CBLB: variants seen among roughly 807,000 people sequenced by gnomAD.
The protein encoded by CBLB is E3 ubiquitin-protein ligase CBL-B.
In CBLB, 31 loss-of-function variants were observed where a neutral mutation model predicts 104.9. The observed-to-expected ratio is 0.30, with a 90% confidence interval of 0.22 to 0.40. The LOEUF (loss-of-function observed/expected upper bound fraction) is 0.40. Among genes scored for constraint, CBLB ranks in the 10% least tolerant of loss-of-function variants. The pLI, the probability that CBLB is intolerant of heterozygous loss-of-function variation, is 1.00. For synonymous variants in CBLB, 440 were observed against 422.6 expected, an observed-to-expected ratio of 1.04 and a Z score of -0.51; for missense variants, 1,062 against 1,214.6, an observed-to-expected ratio of 0.87 and a Z score of 1.87.
chr3:105,855,655 G>C (rs879851626), intron 2 of CBLB, among the ~76,000 whole-genome samples: 7 of 152,176 alleles, frequency 4.6e-5, no homozygotes, highest in Non-Finnish European at 1.0e-4. Context: ...ATTTGAATGT[G>C]TTTCATGACA....
chr3:105,742,671 AATG>A (rs1369872098), intron 6 of CBLB, among the ~76,000 whole-genome samples: 1 of 152,188 alleles, frequency 6.6e-6, no homozygotes, highest in East Asian at 1.9e-4. Flanking sequence ...TAAAAAAATT[AATG>A]ATAAAATTCC....
At chr3:105,838,215 C>T (rs1023702207) in intron 3 of CBLB, among the ~76,000 whole-genome samples, 1 of 143,808 alleles carries the variant, frequency 7.0e-6, no homozygotes, top group South Asian at 2.2e-4. Context: ...TCCAGAGTAG[C>T]TGGGACCACA....
intron 3 of CBLB, among the ~76,000 whole-genome samples, chr3:105,845,609 A>G (rs887140510): frequency 5.3e-5 from 8 of 152,150 alleles, no homozygotes; most frequent in Admixed American, 3.3e-4. Flanking sequence ...ATTACATTGT[A>G]TCTAGCTAGC....
intron 3 of CBLB, among the ~76,000 whole-genome samples, chr3:105,800,236 A>G (rs574392919): frequency 1.6e-4 from 25 of 152,194 alleles, no homozygotes; most frequent in Middle Eastern, 3.2e-3. Flanking sequence ...GCAGACCAGT[A>G]TCCCAGAGAA....
chr3:105,716,648 TA>T (rs967619590), intron 10 of CBLB, among the ~76,000 whole-genome samples: 6 of 152,166 alleles, frequency 3.9e-5, no homozygotes, highest in African/African-American at 1.4e-4. Flanking sequence ...GGCAGATTAG[TA>T]GACATAAAGA....
At chr3:105,708,748 G>A (rs1236348245) in intron 10 of CBLB, among the ~76,000 whole-genome samples, 2 of 151,846 alleles carry the variant, frequency 1.3e-5, no homozygotes, top group African/African-American at 4.8e-5. Context: ...GCATTTGACA[G>A]AACATTATGG....
At chr3:105,713,388 C>G (rs1406008430) in intron 10 of CBLB, among the ~76,000 whole-genome samples, 1 of 90,484 alleles carries the variant, frequency 1.1e-5, no homozygotes, top group African/African-American at 3.8e-5. Flanking sequence ...CACCACTGAT[C>G]ATTAAAAAAA....
In CBLB at chr3:105,867,587, T is replaced by C. The variant is rs2092497272; in HGVS notation, c.-10A>G. 1 of 1,614,106 alleles carries C rather than the reference T, an allele frequency of 6.2e-7. No homozygotes were observed. Among genetic ancestry groups the C allele is most frequent in the Non-Finnish European group, 8.5e-7 (1 of 1,179,932 alleles). ...TCATTGAGTTTGCCATCTGGAATTT[T>C]AGTTCTTTAAAAGGCAGATTTAAAA... On this transcript the variant is annotated 5_prime_UTR_variant, in exon 2 of 19. Coordinates refer to ENST00000394030, the MANE Select transcript of CBLB (RefSeq NM_170662.5).
intron 3 of CBLB, among the ~76,000 whole-genome samples, chr3:105,805,431 A>C (rs1384495803): frequency 6.6e-6 from 1 of 151,858 alleles, no homozygotes; most frequent in Non-Finnish European, 1.5e-5. Flanking sequence ...CAGCTTCCCA[A>C]ATAGTTGGGA....
At chr3:105,749,758 TC>T in intron 5 of CBLB, 1 of 321,822 alleles carries the variant, frequency 3.1e-6, no homozygotes, top group Non-Finnish European at 6.2e-6. Flanking sequence ...TGTAAAATTA[TC>T]AGAAACCTTT....
intron 9 of CBLB, among the ~76,000 whole-genome samples, chr3:105,725,850 C>CT (rs879389470): frequency 0.016 from 2,318 of 147,452 alleles, 58 homozygotes; most frequent in African/African-American, 0.049. Flanking sequence ...TTTATTTTAT[C>CT]TTTTTTTTTT....
intron 10 of CBLB, among the ~76,000 whole-genome samples, chr3:105,715,237 G>C (rs1223376513): frequency 6.6e-6 from 1 of 152,146 alleles, no homozygotes; most frequent in Non-Finnish European, 1.5e-5. Context: ...GCTCACATCA[G>C]ATCTAATTAT....
chr3:105,739,461 A>G (rs2075301370), intron 7 of CBLB, among the ~76,000 whole-genome samples: 1 of 152,150 alleles, frequency 6.6e-6, no homozygotes, highest in Admixed American at 6.5e-5. Context: ...GATCAAGTGC[A>G]CTGAGAATAC....
In CBLB at chr3:105,742,275, C is replaced by G. The variant is rs562018138; in HGVS notation, c.846-1644G>C. Among the ~76,000 whole-genome samples, 23 of 152,214 alleles carry G rather than the reference C, an allele frequency of 1.5e-4. No homozygotes were observed. The South Asian group carries it at 4.3e-3, about 29-fold the overall frequency. ...AAATATACTTTAGTCATTGATAGAC[C>G]AAGCACTATAAATGTAACTTGAAAG... On this transcript the variant is annotated intron_variant, in intron 6 of 18. Transcript: ENST00000394030.
At chr3:105,867,058 G>C (rs922764195) in intron 2 of CBLB, among the ~76,000 whole-genome samples, 13 of 152,064 alleles carry the variant, frequency 8.5e-5, no homozygotes, top group African/African-American at 3.1e-4. Context: ...ATAACCTGCT[G>C]GTACTCTTTT....
At chr3:105,751,373 TGAGA>T (rs112521814) in intron 5 of CBLB, 85 bp downstream of exon 5, 32 of 864,076 alleles carry the variant, frequency 3.7e-5, no homozygotes, top group East Asian at 1.6e-4. Context: ...TGTGTGTGTG[TGAGA>T]GAGAGACAGA....
chr3:105,810,379 A>G (rs1231582796), intron 3 of CBLB, among the ~76,000 whole-genome samples: 1 of 152,134 alleles, frequency 6.6e-6, no homozygotes, highest in South Asian at 2.1e-4. Context: ...GTGTGTGTGA[A>G]CCAGATTCAC....
intron 3 of CBLB, among the ~76,000 whole-genome samples, chr3:105,852,820 C>A (rs917904367): frequency 6.6e-6 from 1 of 152,022 alleles, no homozygotes; most frequent in Non-Finnish European, 1.5e-5. Context: ...TGGGTTCAAG[C>A]GATTCTCCTG....
intron 4 of CBLB, among the ~76,000 whole-genome samples, chr3:105,768,479 C>T (rs1410405868): frequency 6.6e-6 from 1 of 152,160 alleles, no homozygotes; most frequent in African/African-American, 2.4e-5. Flanking sequence ...CTCATACATT[C>T]AACTAATAAC....
Sources: gnomAD v4.1 joint callset for allele counts (sites outside exome capture counted in the v4.1 genomes callset) on GRCh38, gnomAD v4.1.1 for gene constraint, MANE v1.5 for transcripts, NCBI Gene and HGNC (gene_info 2026-07-23, HGNC 2026-07-21) for gene names.